PARD3B: variants seen among roughly 807,000 people sequenced by gnomAD.
PARD3B encodes the protein par-3 family cell polarity regulator beta.
In PARD3B, 103 loss-of-function variants were observed where a neutral mutation model predicts 130.2. That is an observed-to-expected ratio of 0.79 (90% CI 0.67 to 0.93). The LOEUF is 0.93. PARD3B is among the 40% of genes least tolerant of loss of function. PARD3B has a pLI of 0.00. For synonymous variants in PARD3B, 583 were observed against 553.2 expected (o/e 1.05, Z -0.76); for missense variants, 1,609 against 1,499.2 (o/e 1.07, Z -1.21).
intron 4 of PARD3B, among the ~76,000 whole-genome samples, chr2:205,059,993 C>T (rs746945507): frequency 6.6e-5 from 10 of 152,026 alleles, no homozygotes; most frequent in African/African-American, 1.7e-4. Context: ...TTACAGACGA[C>T]GAAGTTCAGG....
At chr2:205,217,787 T>C (rs974378760) in intron 15 of PARD3B, among the ~76,000 whole-genome samples, 8 of 148,910 alleles carry the variant, frequency 5.4e-5, no homozygotes, top group Non-Finnish European at 1.2e-4. Flanking sequence ...TGTATATATA[T>C]GTGTGCATGT....
intron 2 of PARD3B, among the ~76,000 whole-genome samples, chr2:204,762,190 C>T (rs918354140): frequency 1.5e-5 from 2 of 137,372 alleles, no homozygotes; most frequent in South Asian, 2.3e-4. Context: ...GGCACAATCT[C>T]GGCTGACTGC....
intron 5 of PARD3B, among the ~76,000 whole-genome samples, chr2:205,108,258 T>C (rs1703364976): frequency 6.6e-6 from 1 of 152,194 alleles, no homozygotes; most frequent in Non-Finnish European, 1.5e-5. Context: ...CCTTTTCCAA[T>C]TGGTGTCACA....
In PARD3B at chr2:205,125,414, C is replaced by T. The variant is rs1346475287; in HGVS notation, c.1306-195C>T. Among the ~76,000 whole-genome samples the T allele has an allele frequency of 6.6e-6, 1 of 152,196 alleles. No homozygotes were observed. The highest frequency in any genetic ancestry group is 1.5e-5 in the Non-Finnish European group (1 of 68,034). ...AAAAACTGCTGATATTAATTACCGA[C>T]TCTGAGTTCATCCAGCATCATGATG... On this transcript the variant is annotated intron_variant, in intron 9 of 22. Transcript: ENST00000406610. The surrounding 1 kb of genome is among the most constrained non-coding windows in gnomAD (Gnocchi z 4.0).
intron 20 of PARD3B, among the ~76,000 whole-genome samples, chr2:205,490,921 T>C (rs1240881746): frequency 1.3e-5 from 2 of 152,224 alleles, no homozygotes; most frequent in Non-Finnish European, 2.9e-5. Flanking sequence ...TTGAGAAGTG[T>C]CTGTTCATAT....
intron 18 of PARD3B, among the ~76,000 whole-genome samples, chr2:205,377,927 C>A (rs551347504): frequency 2.0e-5 from 3 of 152,074 alleles, no homozygotes; most frequent in African/African-American, 7.2e-5. Context: ...CGTGCCACCA[C>A]GCCCAGCTTA....
chr2:204,810,945 G>T lies in PARD3B; in HGVS notation c.222+124663G>T, dbSNP rs1026490670. Among the ~76,000 whole-genome samples, 8 of 151,624 alleles carry T rather than the reference G, an allele frequency of 5.3e-5. 1 individual carries two copies. Among genetic ancestry groups the T allele is most frequent in the African/African-American group, 1.2e-4 (5 of 41,432 alleles). ...AATCCATCTGGTCCTGGGCTTTTTT[G>T]TTGTTGTTGTTGGTAGGATATTTAT... On this transcript the variant is annotated intron_variant, in intron 2 of 22. Transcript: ENST00000406610.
In PARD3B at chr2:205,467,573, ATTAT is replaced by A. The variant is rs745626880; in HGVS notation, c.3044+26903_3044+26906del. Among the ~76,000 whole-genome samples the A allele has an allele frequency of 8.5e-5, 12 of 141,764 alleles. 1 individual carries two copies. Among genetic ancestry groups the A allele is most frequent in the South Asian group, 6.2e-4 (3 of 4,826 alleles). The allele number at this position is 141,764 out of a possible 152,430, so 93.0% of individuals were successfully genotyped here. On this transcript the variant is annotated intron_variant, in intron 20 of 22. Coordinates refer to ENST00000406610, the MANE Select transcript of PARD3B (RefSeq NM_001302769.2). ...ATATTTTCAAGATTTGTTCACAATA[ATTAT>A]TCTAGAGCTATTGTACATTACTTTT...
At chr2:204,593,967 TTC>T (rs2033181222) in intron 1 of PARD3B, among the ~76,000 whole-genome samples, 1 of 152,212 alleles carries the variant, frequency 6.6e-6, no homozygotes, top group Non-Finnish European at 1.5e-5. Context: ...CTTGAATAAA[TTC>T]TCTGTCTTAC....
At chr2:205,507,372 G>A (rs531299991) in intron 21 of PARD3B, among the ~76,000 whole-genome samples, 156 of 151,626 alleles carry the variant, frequency 1.0e-3, no homozygotes, top group African/African-American at 3.7e-3. Context: ...CCACCACCAC[G>A]CCCGGCTAAT....
At chr2:205,372,690 T>G (rs113486743) in intron 18 of PARD3B, among the ~76,000 whole-genome samples, 3 of 152,320 alleles carry the variant, frequency 2.0e-5, no homozygotes, top group Non-Finnish European at 4.4e-5. Context: ...ATTAAAAACA[T>G]TTTTAAAAGG....
chr2:204,582,439 G>T (rs917653867), intron 1 of PARD3B, among the ~76,000 whole-genome samples: 8 of 152,110 alleles, frequency 5.3e-5, no homozygotes, highest in Non-Finnish European at 1.0e-4. Flanking sequence ...TCTTTCTTGG[G>T]ATTAGTTTTT....
chr2:205,494,662 C>T (rs755148094), intron 20 of PARD3B, among the ~76,000 whole-genome samples: 8 of 152,144 alleles, frequency 5.3e-5, no homozygotes, highest in South Asian at 4.1e-4. Context: ...TCAAAAGGTA[C>T]GGCTATAAAT....
intron 2 of PARD3B, among the ~76,000 whole-genome samples, chr2:204,885,671 C>T (rs893393063): frequency 1.7e-4 from 26 of 151,816 alleles, no homozygotes; most frequent in African/African-American, 6.3e-4. Flanking sequence ...TTAAAAAGGA[C>T]ATATAGATTG....
At chr2:204,674,174 G>T (rs949199914) in intron 1 of PARD3B, among the ~76,000 whole-genome samples, 1 of 151,974 alleles carries the variant, frequency 6.6e-6, no homozygotes, top group African/African-American at 2.4e-5. Flanking sequence ...TTCTAGTTGG[G>T]GCAGACTAAG....
At chr2:204,838,018 G>A (rs1031721939) in intron 2 of PARD3B, among the ~76,000 whole-genome samples, 2 of 139,914 alleles carry the variant, frequency 1.4e-5, no homozygotes, top group African/African-American at 5.0e-5. Context: ...GGAGCTCACA[G>A]TATAATGGGG....
intron 16 of PARD3B, among the ~76,000 whole-genome samples, chr2:205,285,136 G>A (rs2041345316): frequency 6.6e-6 from 1 of 152,010 alleles, no homozygotes; most frequent in African/African-American, 2.4e-5. Context: ...TCTGCAATGT[G>A]TGGGGCAGAA....
At chr2:204,895,155 A>G (rs2046596041) in intron 2 of PARD3B, among the ~76,000 whole-genome samples, 1 of 152,130 alleles carries the variant, frequency 6.6e-6, no homozygotes, top group Non-Finnish European at 1.5e-5. Context: ...CCTGTTTAAA[A>G]ATAGAACCTA....
chr2:204,628,290 T>A (rs913373427), intron 1 of PARD3B, among the ~76,000 whole-genome samples: 15 of 151,780 alleles, frequency 9.9e-5, no homozygotes, highest in South Asian at 4.2e-4. Flanking sequence ...TTTTTTTTTT[T>A]AATTAACTTT....
Sources: gnomAD v4.1 joint callset for allele counts (sites outside exome capture counted in the v4.1 genomes callset) on GRCh38, gnomAD v4.1.1 for gene constraint, Gnocchi (gnomAD v3.1) non-coding constraint, MANE v1.5 for transcripts, NCBI Gene and HGNC (gene_info 2026-07-23, HGNC 2026-07-21) for gene names.